Variants in CLN8 observed in about 807,000 individuals in gnomAD.
CLN8 encodes the protein CLN8 transmembrane ER and ERGIC protein.
CLN8 carries 14 observed loss-of-function variants against 15.7 expected under a neutral mutation model. That is an observed-to-expected ratio of 0.89 (90% CI 0.59 to 1.39). CLN8 has a LOEUF of 1.39. CLN8 is among the 40% of genes most tolerant of loss of function. The pLI, the probability that CLN8 is intolerant of heterozygous loss-of-function variation, is 0.00. For synonymous variants in CLN8, 188 were observed against 151.0 expected (o/e 1.25, Z -1.80); for missense variants, 415 against 364.0 (o/e 1.14, Z -1.14).
intron 1 of CLN8, among the ~76,000 whole-genome samples, chr8:1,765,430 T>A (rs1387920036): frequency 6.6e-6 from 1 of 152,268 alleles, no homozygotes; most frequent in Non-Finnish European, 1.5e-5. Flanking sequence ...TGTAAATTTT[T>A]ATTTTTGTAT....
Position 1,784,284 on chromosome 8 carries a change from C to CAAA in CLN8, c.*3728_*3730dup. On this transcript the variant is annotated 3_prime_UTR_variant, in exon 3 of 3. Coordinates refer to ENST00000331222, the MANE Select transcript of CLN8 (RefSeq NM_018941.4). ...TGGGTGACACAGTGAGACTCCATCTCAAAAAAAAAAAAAGAACGGACATCA... is the reference window on the plus strand; with the variant it reads ...TGGGTGACACAGTGAGACTCCATCTCAAAAAAAAAAAAAAAAGAACGGACATCA... 2 of 131,184 alleles carry CAAA rather than the reference C, an allele frequency of 1.5e-5. No individual in the cohort carries two copies. The highest frequency in any genetic ancestry group is 3.3e-5 in the Non-Finnish European group (2 of 60,842). The allele number at this position is 131,184 out of a possible 1,614,324, so 8.1% of individuals were successfully genotyped here. A position where few individuals can be genotyped will look rare whatever the true frequency, so the allele number is the denominator to read the frequency against.
At chr8:1,762,524 AT>A (rs1800824860), upstream of CLN8, 1 of 152,176 alleles carries the variant, frequency 6.6e-6, no homozygotes, top group Non-Finnish European at 1.5e-5. Flanking sequence ...ACATTTACCC[AT>A]GTTCTTAGAC....
At position 1,771,386 on chromosome 8, in the gene CLN8, C is replaced by T. The variant is rs778188757; in HGVS notation, c.332C>T (p.Thr111Met). Residue 111 changes from threonine to methionine, a missense_variant, in exon 2 of 3, where the codon ACG becomes ATG. By Grantham distance (81) the Thr-to-Met change is moderately conservative (BLOSUM62 -1). Transcript: ENST00000331222. ...TGCTGGTTTCACATCACGACAGCAACGGGATTCTTTTGCTTTGAAAATGTT... is the reference window on the plus strand; with the variant it reads ...TGCTGGTTTCACATCACGACAGCAATGGGATTCTTTTGCTTTGAAAATGTT... ...NWCWFHITTATGFFCFENVAV... is the reference protein window; with the variant it reads ...NWCWFHITTAMGFFCFENVAV... 30 of 1,614,054 alleles carry T rather than the reference C, an allele frequency of 1.9e-5. No homozygotes were observed. The highest frequency in any genetic ancestry group is 5.3e-5 in the African/African-American group (4 of 74,926).
chr8:1,773,108 G>A (rs1035136273), intron 2 of CLN8: 21 of 393,848 alleles, frequency 5.3e-5, no homozygotes, highest in African/African-American at 3.7e-4. Context: ...GGGAACTCAA[G>A]GAGGAACTTG....
upstream of CLN8, among the ~76,000 whole-genome samples, chr8:1,753,867 C>T (rs1800608334): frequency 6.6e-6 from 1 of 150,480 alleles, no homozygotes; most frequent in African/African-American, 2.5e-5. Flanking sequence ...GCCTGAGTGA[C>T]AAGAGTGAAC....
rs1801709969 is a variant in CLN8 at position 1,781,407 on chromosome 8, C to A, written c.*840C>A. ...AAAAATTCTAGACCGAAGTGTACGG[C>A]AGTGCCATCTGGTGGCAAGTGGTAC... is the stretch of plus-strand genomic sequence containing the variant. On this transcript the variant is annotated 3_prime_UTR_variant, in exon 3 of 3. Coordinates refer to ENST00000331222, the MANE Select transcript of CLN8 (RefSeq NM_018941.4). 1 of 87,054 alleles carries A rather than the reference C, an allele frequency of 1.1e-5. No homozygotes were observed. The highest frequency in any genetic ancestry group is 2.6e-5 in the Non-Finnish European group (1 of 38,550). The allele number at this position is 87,054 out of a possible 1,614,324, so 5.4% of individuals were successfully genotyped here. A position where few individuals can be genotyped will look rare whatever the true frequency, so the allele number is the denominator to read the frequency against.
upstream of CLN8, among the ~76,000 whole-genome samples, chr8:1,761,614 C>T (rs749631819): frequency 4.6e-5 from 7 of 152,304 alleles, no homozygotes; most frequent in Admixed American, 6.5e-5. Context: ...TGTGAGCCAC[C>T]GTGCCCAGCC....
intron 2 of CLN8, among the ~76,000 whole-genome samples, chr8:1,779,708 G>A (rs1301761638): frequency 6.6e-6 from 1 of 152,198 alleles, no homozygotes; most frequent in Non-Finnish European, 1.5e-5. Context: ...GTCTGGTGAA[G>A]ACCCACTTCC....
intron 2 of CLN8, among the ~76,000 whole-genome samples, chr8:1,778,526 T>A (rs957334688): frequency 2.0e-5 from 3 of 152,116 alleles, no homozygotes; most frequent in Non-Finnish European, 4.4e-5. Flanking sequence ...CAATGCTGAG[T>A]GCGGTGAAGC....
At chr8:1,780,113 C>G in intron 2 of CLN8, 137 bp from the exon 3 acceptor site, 4 of 1,525,726 alleles carry the variant, frequency 2.6e-6, no homozygotes, top group Non-Finnish European at 3.5e-6. Flanking sequence ...AGAGCAGAGC[C>G]CTGGGGAGGA....
At chr8:1,761,000 G>T (rs896957660), upstream of CLN8, among the ~76,000 whole-genome samples, 9 of 144,588 alleles carry the variant, frequency 6.2e-5, no homozygotes, top group Non-Finnish European at 1.2e-4. Flanking sequence ...ATCTAAGCAT[G>T]ACTATAGCCA....
rs1229585352 is a variant in CLN8 at position 1,781,819 on chromosome 8, C to G, written c.*1252C>G. The G allele has an allele frequency of 6.6e-6, 1 of 152,086 alleles. No homozygotes were observed. Among genetic ancestry groups the G allele is most frequent in the Non-Finnish European group, 1.5e-5 (1 of 68,038 alleles). 9.4% of individuals were successfully genotyped at this position (152,086 alleles called of 1,614,324 possible). ...ATGCTCGACTGCAGGGTCCTGGGGTCCCTAGAGTGGTCCTGCAGCAGCCCC... is the reference window on the plus strand; with the variant it reads ...ATGCTCGACTGCAGGGTCCTGGGGTGCCTAGAGTGGTCCTGCAGCAGCCCC... On this transcript the variant is annotated 3_prime_UTR_variant, in exon 3 of 3. Transcript: ENST00000331222.
At chr8:1,767,008 C>T (rs567484275) in intron 1 of CLN8, among the ~76,000 whole-genome samples, 3 of 152,334 alleles carry the variant, frequency 2.0e-5, no homozygotes, top group Admixed American at 2.0e-4. Context: ...GCTGATGCCA[C>T]GAAAGGACAG....
At chr8:1,768,458 G>A (rs572208703) in intron 1 of CLN8, among the ~76,000 whole-genome samples, 31 of 152,256 alleles carry the variant, frequency 2.0e-4, no homozygotes, top group South Asian at 6.2e-4. Flanking sequence ...GGTTTCTCTC[G>A]TCTCAAGGCA....
In CLN8 at chr8:1,782,288, G is replaced by T. The variant is rs1801729435; in HGVS notation, c.*1721G>T. 6.6e-6 allele frequency: 1 copy of T among 152,002 alleles called. No individual in the cohort carries two copies. Among genetic ancestry groups the T allele is most frequent in the Non-Finnish European group, 1.5e-5 (1 of 68,026 alleles). The allele number at this position is 152,002 out of a possible 1,614,324, so 9.4% of individuals were successfully genotyped here. A position where few individuals can be genotyped will look rare whatever the true frequency, so the allele number is the denominator to read the frequency against. ...CCCTTTCAAGTAGCTGGGATTACAG[G>T]TACCTCTACCATGCCTGGCTGATTT... On this transcript the variant is annotated 3_prime_UTR_variant, in exon 3 of 3. Coordinates refer to ENST00000331222, the MANE Select transcript of CLN8 (RefSeq NM_018941.4).
chr8:1,771,060 T>C lies in CLN8; in HGVS notation c.6T>C (p.Asn2=), dbSNP rs768159414. Residue 2 remains asparagine (N), a synonymous_variant, in exon 2 of 3, where the codon AAT becomes AAC. Transcript: ENST00000331222. The stretch of plus-strand genomic sequence containing the variant: ...TTGGAATATAGCTGTGGACAATGAA[T>C]CCTGCGAGCGATGGGGGCACATCAG... The part of the protein sequence containing the change: M[N]PASDGGTSES... 4 of 1,614,074 alleles carry C rather than the reference T, an allele frequency of 2.5e-6. No individual in the cohort carries two copies. Among genetic ancestry groups the C allele is most frequent in the Non-Finnish European group, 3.4e-6 (4 of 1,180,034 alleles).
upstream of CLN8, chr8:1,760,446 C>T (rs1009222355): frequency 2.6e-5 from 4 of 152,204 alleles, no homozygotes; most frequent in South Asian, 2.1e-4. Context: ...ATTCAGTGTT[C>T]CACACCCCGC....
Position 1,780,652 on chromosome 8 carries a change from G to A in CLN8, c.*85G>A. On this transcript the variant is annotated 3_prime_UTR_variant, in exon 3 of 3. Coordinates refer to ENST00000331222, the MANE Select transcript of CLN8 (RefSeq NM_018941.4). ...CGCGAATGATGGCTTTTGAATTAAT[G>A]AGGCAGTGAATGTTTTGTGTTTACT... The A allele has an allele frequency of 3.1e-6, 4 of 1,277,376 alleles. No individual in the cohort carries two copies. Among genetic ancestry groups the A allele is most frequent in the South Asian group, 1.2e-5 (1 of 80,022 alleles). 79.1% of individuals were successfully genotyped at this position (1,277,376 alleles called of 1,614,324 possible). A position where few individuals can be genotyped will look rare whatever the true frequency, so the allele number is the denominator to read the frequency against.
At chr8:1,760,676 T>C (rs1290901768), upstream of CLN8, among the ~76,000 whole-genome samples, 1 of 152,156 alleles carries the variant, frequency 6.6e-6, no homozygotes, top group Non-Finnish European at 1.5e-5. Context: ...CTCAGCATGC[T>C]GTTAGTAGGA....
Sources: gnomAD v4.1 joint callset for allele counts (sites outside exome capture counted in the v4.1 genomes callset) on GRCh38, gnomAD v4.1.1 for gene constraint, MANE v1.5 for transcripts, NCBI Gene and HGNC (gene_info 2026-07-23, HGNC 2026-07-21) for gene names.